The following NDST2 variants were observed in gnomAD, a reference collection of about 807,000 sequenced individuals.
The protein encoded by NDST2 is N-deacetylase and N-sulfotransferase 2.
A neutral mutation model predicts 86.9 loss-of-function variants in NDST2; 32 were observed. The observed-to-expected ratio is 0.37, with a 90% CI of 0.28 to 0.49. NDST2 has a LOEUF of 0.49. NDST2 is among the 20% of genes least tolerant of loss of function. The pLI, the probability that NDST2 is intolerant of heterozygous loss-of-function variation, is 0.97. For missense variants in NDST2, 950 were observed against 1,146.9 expected, an observed-to-expected ratio of 0.83 and a Z score of 2.48; for synonymous variants, 409 against 437.0, an observed-to-expected ratio of 0.94 and a Z score of 0.80.
rs1022135357 is a variant in NDST2 at position 73,803,271 on chromosome 10, C to T, written c.2231G>A (p.Arg744His). The change falls in exon 12 of 15, where the codon CGC (arginine) becomes CAC (histidine). Residue 744 changes from arginine (R) to histidine (H), a missense_variant. Around this residue, in one of 5 missense-constraint regions of NDST2, gnomAD observed 303 missense variants for 323.7 expected, o/e 0.94. Coordinates refer to ENST00000309979, the MANE Select transcript of NDST2 (RefSeq NM_003635.4). ...SASSQTPLALRSLQNRCLVPG... is the reference protein window; with the variant it reads ...SASSQTPLALHSLQNRCLVPG... ...GACAAGACAGCGGTTCTGCAGGGAG[C>T]GTAGTGCCAGAGGGGTCTGGGAGGA... 25 of 1,614,086 alleles carry T rather than the reference C, an allele frequency of 1.5e-5. No homozygotes were observed. The East Asian group carries it at 3.1e-4, about 20-fold the overall frequency.
Position 73,802,372 on chromosome 10 carries a change from A to T in NDST2, c.*79T>A. The T allele has an allele frequency of 6.4e-7, 1 of 1,564,708 alleles. No individual in the cohort carries two copies. The highest frequency in any genetic ancestry group is 8.7e-7 in the Non-Finnish European group (1 of 1,145,296). On this transcript the variant is annotated 3_prime_UTR_variant, in exon 15 of 15. Coordinates refer to ENST00000309979, the MANE Select transcript of NDST2 (RefSeq NM_003635.4). ...AGAGGGGGAGGGGCCAGGCCACTCT[A>T]ATCCCCCTTGTGGGCCCTGCTCTGG...
rs1020411573 is a variant in NDST2 at position 73,802,167 on chromosome 10, T to C, written c.*284A>G. ...GAAGAGGGAAATCTCATTGGACTAA[T>C]ACATTCCCCTACACCCTGCCTGGAC... On this transcript the variant is annotated 3_prime_UTR_variant, in exon 15 of 15. Coordinates refer to ENST00000309979, the MANE Select transcript of NDST2 (RefSeq NM_003635.4). 1.9e-6 allele frequency: 1 copy of C among 530,006 alleles called. No homozygotes were observed. The highest frequency in any genetic ancestry group is 1.9e-5 in the African/African-American group (1 of 52,750). 32.8% of individuals were successfully genotyped at this position (530,006 alleles called of 1,614,324 possible). A position where few individuals can be genotyped will look rare whatever the true frequency, so the allele number is the denominator to read the frequency against.
At chr10:73,803,520 C>CGGGGG in intron 11 of NDST2, 54 bp downstream of exon 11, 1 of 493,818 alleles carries the variant, frequency 2.0e-6, no homozygotes, top group Non-Finnish European at 4.0e-6. Flanking sequence ...CAGTCACTGT[C>CGGGGG]CCCTCCCCCC....
rs1408716442 is a variant in NDST2, at chr10:73,807,151, G to C, written c.1050C>G (p.Asn350Lys). The change falls in exon 4 of 15, where the codon AAC becomes AAG. Residue 350 changes from asparagine (N) to lysine (K), a missense_variant. Asn to Lys is a moderately conservative substitution (Grantham distance 94). Coordinates refer to ENST00000309979, the MANE Select transcript of NDST2 (RefSeq NM_003635.4). Reference sequence around the variant, plus strand: ...CCGAGAAGCCCAAGTTGAAGGTGAAGTTGGGAACTAAGGTCCTGAGTTTGT... The same window carrying C: ...CCGAGAAGCCCAAGTTGAAGGTGAACTTGGGAACTAAGGTCCTGAGTTTGT... ...TQNKLRTLVP[N>K]FTFNLGFSGK... 13 of 1,614,008 alleles carry C rather than the reference G, an allele frequency of 8.1e-6. No homozygotes were observed. The Admixed American group carries it at 1.3e-4, about 17-fold the overall frequency.
Position 73,808,107 on chromosome 10 carries a change from T to G in NDST2, c.282A>C (p.Ala94=). 6.2e-7 allele frequency: 1 copy of G among 1,614,196 alleles called. No individual in the cohort carries two copies. Among genetic ancestry groups the G allele is most frequent in the Non-Finnish European group, 8.5e-7 (1 of 1,180,032 alleles). Residue 94 remains alanine, a synonymous_variant, in exon 3 of 15, where the codon GCA becomes GCC. Transcript: ENST00000309979. The surrounding 1 kb of genome is among the most constrained non-coding windows in gnomAD (Gnocchi z 4.3). ...EPVVLVFVES[A]YSQLGQEIVA... ...CAATTTCCTGCCCCAGCTGTGAGTA[T>G]GCACTCTCCACAAACACAAGGACCA...
In NDST2 at chr10:73,806,178, T is replaced by C. The variant is rs954045067; in HGVS notation, c.1434+111A>G. 4 of 1,527,710 alleles carry C rather than the reference T, an allele frequency of 2.6e-6. No individual in the cohort carries two copies. Among genetic ancestry groups the C allele is most frequent in the Non-Finnish European group, 3.6e-6 (4 of 1,111,308 alleles). The allele number at this position is 1,527,710 out of a possible 1,614,324, so 94.6% of individuals were successfully genotyped here. ...AATTTTTTCACCTTTCTACCCCCAA[T>C]TATGTACCCCCATACTTGGACTGGC... On this transcript the variant is annotated intron_variant, in intron 6 of 14. Transcript: ENST00000309979. This position sits in a 1 kb window ranked among gnomAD's most constrained non-coding sequence, Gnocchi z 4.5.
intron 9 of NDST2, 80 bp from the exon 10 acceptor site, chr10:73,804,096 G>C: frequency 3.4e-5 from 50 of 1,466,196 alleles, no homozygotes; most frequent in East Asian, 2.5e-5. Context: ...TGAAGGAAGT[G>C]AAAAAATAAC....
intron 2 of NDST2, 53 bp downstream of exon 2, chr10:73,810,746 A>G (rs2084191516): frequency 2.5e-6 from 1 of 398,000 alleles, no homozygotes; most frequent in Non-Finnish European, 4.4e-6. Flanking sequence ...GGGAAAAGGT[A>G]CATGCTCCAT....
At position 73,807,712 on chromosome 10, in the gene NDST2, T is replaced by A; in HGVS notation, c.677A>T (p.Asp226Val). Residue 226 changes from aspartate (D) to valine (V), a missense_variant, in exon 3 of 15, where the codon GAC becomes GTC. Asp to Val is a radical substitution (Grantham distance 152, BLOSUM62 -3). Around this residue, in one of 5 missense-constraint regions of NDST2, gnomAD observed 586 missense variants for 714.0 expected, o/e 0.82. Transcript: ENST00000309979. ...ATGATTGGATTGGAAGATGGTCCAGTCATCACCAGGCAGTGGCCCTGGTTC... is the reference window on the plus strand; with the variant it reads ...ATGATTGGATTGGAAGATGGTCCAGACATCACCAGGCAGTGGCCCTGGTTC... ...RLEPGPLPGD[D>V]WTIFQSNHST... 6.2e-7 allele frequency: 1 copy of A among 1,614,188 alleles called. No homozygotes were observed. Among genetic ancestry groups the A allele is most frequent in the East Asian group, 2.2e-5 (1 of 44,886 alleles).
rs1205277369 is a variant in NDST2 at position 73,807,094 on chromosome 10, G to C, written c.1093+14C>G. 6.2e-7 allele frequency: 1 copy of C among 1,608,540 alleles called. No individual in the cohort carries two copies. The highest frequency in any genetic ancestry group is 1.3e-5 in the African/African-American group (1 of 74,736). On this transcript the variant is annotated intron_variant, in intron 4 of 14. Transcript: ENST00000309979. ...AAACTATGATATGCCAAAGGAGTAG[G>C]GGTATAAGCTCACCAGTATGATAGA...
chr10:73,806,600 G>A lies in NDST2; in HGVS notation c.1248+57C>T, dbSNP rs1045455037. On this transcript the variant is annotated intron_variant, in intron 5 of 14. Transcript: ENST00000309979. This position sits in a 1 kb window ranked among gnomAD's most constrained non-coding sequence, Gnocchi z 4.5. ...GGAAAAGGGTAGCCCATTAGGGGAA[G>A]GTAGAAAAGGAAGCATGGCTGGGAG... 4.4e-6 allele frequency: 7 copies of A among 1,596,226 alleles called. No individual in the cohort carries two copies. The South Asian group carries it at 6.6e-5, about 15-fold the overall frequency.
Position 73,807,121 on chromosome 10 carries a change from C to T in NDST2, c.1080G>A (p.Lys360=), listed in dbSNP as rs1589614569. ...GTATAAGCTCACCAGTATGATAGAA[C>T]TTGCCCGAGAAGCCCAAGTTGAAGG... ...NFTFNLGFSG[K]FYHTGTEEED... The change falls in exon 4 of 15, where the codon AAG becomes AAA. Residue 360 remains lysine, a synonymous_variant. Transcript: ENST00000309979. 1 of 1,613,938 alleles carries T rather than the reference C, an allele frequency of 6.2e-7. No homozygotes were observed. The highest frequency in any genetic ancestry group is 1.7e-5 in the Admixed American group (1 of 59,990).
intron 9 of NDST2, 152 bp from the exon 10 acceptor site, chr10:73,804,168 G>A: frequency 1.2e-6 from 1 of 801,792 alleles, no homozygotes; most frequent in East Asian, 2.6e-5. Context: ...GTCTGAGAGA[G>A]GCCCAGGGAA....
chr10:73,802,439 G>A lies in NDST2; in HGVS notation c.*12C>T. The A allele has an allele frequency of 1.9e-6, 3 of 1,612,332 alleles. No homozygotes were observed. Among genetic ancestry groups the A allele is most frequent in the Non-Finnish European group, 2.5e-6 (3 of 1,180,024 alleles). On this transcript the variant is annotated 3_prime_UTR_variant, in exon 15 of 15. Coordinates refer to ENST00000309979, the MANE Select transcript of NDST2 (RefSeq NM_003635.4). ...AGCAGGGGGCATTTTGCTGGTATGG[G>A]AGGCTGGGACATCAGCCCAGACTGG... is the stretch of plus-strand genomic sequence containing the variant.
rs2084146826 is a variant in NDST2 at position 73,808,497 on chromosome 10, G to C, written c.-109C>G. 6.2e-6 allele frequency: 7 copies of C among 1,122,240 alleles called. No individual in the cohort carries two copies. The highest frequency in any genetic ancestry group is 8.7e-6 in the Non-Finnish European group (7 of 805,212). The allele number at this position is 1,122,240 out of a possible 1,614,324, so 69.5% of individuals were successfully genotyped here. ...AGGGTAGAAGGATAGGAAAATAGGG[G>C]ACAGGGATTCCCTTGGGGAGTTTCC... On this transcript the variant is annotated 5_prime_UTR_variant, in exon 3 of 15. Transcript: ENST00000309979. The surrounding 1 kb of genome is among the most constrained non-coding windows in gnomAD (Gnocchi z 4.3).
Position 73,803,577 on chromosome 10 carries a change from G to A in NDST2, c.2139C>T (p.Tyr713=), listed in dbSNP as rs772700085. 2.8e-5 allele frequency: 45 copies of A among 1,603,478 alleles called. No homozygotes were observed. Among genetic ancestry groups the A allele is most frequent in the Non-Finnish European group, 1.4e-5 (16 of 1,177,906 alleles). ...TNPADRAYSW[Y]QHQRAHGDPV... ...GTGTCCCTAGCTTCAGGCAGACCTG[G>A]TACCAGGAGTAGGCCCTGTCAGCAG... is the stretch of plus-strand genomic sequence containing the variant. Residue 713 remains tyrosine (Y), a synonymous_variant, in exon 11 of 15, where the codon TAC becomes TAT. Coordinates refer to ENST00000309979, the MANE Select transcript of NDST2 (RefSeq NM_003635.4).
chr10:73,810,673 C>T (rs1052092312), intron 2 of NDST2, 126 bp downstream of exon 2: 12 of 393,548 alleles, frequency 3.0e-5, no homozygotes, highest in African/African-American at 4.1e-5. Flanking sequence ...GAAATTACAA[C>T]TTGCCAGCCA....
chr10:73,807,404 T>G lies in NDST2; in HGVS notation c.985A>C (p.Met329Leu). ...DIFVGKEGTRMKVADVEALLT... is the reference protein window; with the variant it reads ...DIFVGKEGTRLKVADVEALLT... The stretch of plus-strand genomic sequence containing the variant: ...CTGACCTCAACATCAGCCACCTTCA[T>G]GCGGGTCCCTTCCTTGCCCACAAAG... Residue 329 changes from methionine to leucine, a missense_variant, in exon 3 of 15, where the codon ATG (methionine) becomes CTG (leucine). Around this residue, in one of 5 missense-constraint regions of NDST2, gnomAD observed 586 missense variants for 714.0 expected, o/e 0.82. Coordinates refer to ENST00000309979, the MANE Select transcript of NDST2 (RefSeq NM_003635.4). 6.2e-7 allele frequency: 1 copy of G among 1,614,176 alleles called. No homozygotes were observed. The highest frequency in any genetic ancestry group is 8.5e-7 in the Non-Finnish European group (1 of 1,180,008).
chr10:73,810,415 G>A (rs1047085228), intron 2 of NDST2, among the ~76,000 whole-genome samples: 4 of 151,914 alleles, frequency 2.6e-5, no homozygotes, highest in Non-Finnish European at 4.4e-5. Context: ...CTGAGATTGT[G>A]CCACTGTACT....
Sources: allele counts gnomAD v4.1 joint callset (sites outside exome capture counted in the v4.1 genomes callset), GRCh38; gene constraint gnomAD v4.1.1; regional missense constraint gnomAD v4.1.1; non-coding constraint Gnocchi (gnomAD v3.1); transcripts MANE v1.5; gene names NCBI Gene and HGNC (gene_info 2026-07-23, HGNC 2026-07-21).